The following NRXN3 variants were observed in gnomAD, a reference collection of about 807,000 sequenced individuals.
NRXN3 encodes neurexin III.
NRXN3 carries 32 observed loss-of-function variants against 137.6 expected under a neutral mutation model. The ratio of observed to expected loss-of-function variants is 0.23; its 90% CI spans 0.18 to 0.31. The LOEUF is 0.31. Among genes scored for constraint, NRXN3 ranks in the 10% least tolerant of loss-of-function variants. NRXN3 has a pLI of 1.00. For missense variants in NRXN3, 1,574 were observed against 2,062.5 expected, an observed-to-expected ratio of 0.76 and a Z score of 4.59; for synonymous variants, 798 against 784.5, an observed-to-expected ratio of 1.02 and a Z score of -0.29.
intron 19 of NRXN3, among the ~76,000 whole-genome samples, chr14:79,789,527 A>T (rs1443869629): frequency 1.3e-5 from 2 of 152,148 alleles, no homozygotes; most frequent in Non-Finnish European, 2.9e-5. Flanking sequence ...AAGGGCTGCT[A>T]GTTGCTCATT....
In NRXN3 at chr14:79,131,759, G is replaced by A. The variant is rs549074433; in HGVS notation, c.3262+143618G>A. On this transcript the variant is annotated intron_variant, in intron 15 of 20. Coordinates refer to ENST00000335750, the MANE Select transcript of NRXN3 (RefSeq NM_001330195.2). ...TACCTAAGCAAGCCTGGGCAATGGC[G>A]AGTGCCCCTCCCCCAGCCTTGCTGC... Among the ~76,000 whole-genome samples, 35 of 152,190 alleles carry A rather than the reference G, an allele frequency of 2.3e-4. No homozygotes were observed. The East Asian group carries it at 5.8e-3, about 25-fold the overall frequency.
intron 10 of NRXN3, among the ~76,000 whole-genome samples, chr14:78,812,493 G>A (rs958052068): frequency 2.6e-5 from 4 of 152,098 alleles, no homozygotes; most frequent in African/African-American, 9.7e-5. Context: ...TATTTAATCA[G>A]GATATCAGAA....
chr14:79,860,625 G>T (rs1006223462), intron 20 of NRXN3, among the ~76,000 whole-genome samples: 6 of 152,160 alleles, frequency 3.9e-5, no homozygotes, highest in African/African-American at 7.2e-5. Flanking sequence ...ATCCCAAGAA[G>T]GCAATAAAGA....
At chr14:79,031,768 A>G (rs769835550) in intron 15 of NRXN3, among the ~76,000 whole-genome samples, 9 of 152,188 alleles carry the variant, frequency 5.9e-5, no homozygotes, top group Non-Finnish European at 1.2e-4. Context: ...TGTAAACAGT[A>G]AAGTTTATTT....
chr14:78,863,095 A>T (rs1194493258), intron 10 of NRXN3, among the ~76,000 whole-genome samples: 1 of 152,094 alleles, frequency 6.6e-6, no homozygotes, highest in Non-Finnish European at 1.5e-5. Context: ...AGGATGATGA[A>T]GTCCTTTATT....
chr14:78,715,212 C>T (rs972416071), intron 8 of NRXN3, 73 bp downstream of exon 8: 3 of 1,541,830 alleles, frequency 1.9e-6, no homozygotes, highest in Non-Finnish European at 1.7e-6. Context: ...CCCTGGGCAG[C>T]CCAAGCCTTC....
At chr14:78,468,765 A>G (rs1215126481) in intron 4 of NRXN3, among the ~76,000 whole-genome samples, 1 of 152,196 alleles carries the variant, frequency 6.6e-6, no homozygotes, top group East Asian at 1.9e-4. Flanking sequence ...AGCAGTTAAG[A>G]ACATTGAAAT....
At chr14:78,433,728 C>A (rs561162498) in intron 4 of NRXN3, among the ~76,000 whole-genome samples, 18 of 152,230 alleles carry the variant, frequency 1.2e-4, no homozygotes, top group South Asian at 1.0e-3. Context: ...GGCTCCTTGA[C>A]CTTGGACTTC....
rs138644732 is a variant in NRXN3, at chr14:78,814,529, C to T, written c.2275+4185C>T. Among the ~76,000 whole-genome samples the T allele has an allele frequency of 5.5e-3, 835 of 152,250 alleles. 10 individuals are homozygous for T. The highest frequency in any genetic ancestry group is 0.019 in the African/African-American group (782 of 41,538). On this transcript the variant is annotated intron_variant, in intron 10 of 20. Transcript: ENST00000335750. ...ACTCGGGAGGCTGAGGCAGGAGAAT[C>T]GCTTGAATCCAGGAGGCGGAGGTTG...
chr14:78,574,557 G>T (rs943325485), intron 4 of NRXN3, among the ~76,000 whole-genome samples: 1 of 152,198 alleles, frequency 6.6e-6, no homozygotes, highest in Non-Finnish European at 1.5e-5. Context: ...AGATTTAACT[G>T]CCCCGCTGGA....
At chr14:78,846,430 A>C (rs1447573288) in intron 10 of NRXN3, among the ~76,000 whole-genome samples, 6 of 152,106 alleles carry the variant, frequency 3.9e-5, no homozygotes, top group Admixed American at 3.9e-4. Context: ...AATTACAATC[A>C]GTTCTTTACA....
chr14:79,489,148 T>C (rs1462532066), intron 16 of NRXN3, among the ~76,000 whole-genome samples: 1 of 152,192 alleles, frequency 6.6e-6, no homozygotes, highest in Non-Finnish European at 1.5e-5. Flanking sequence ...GATTGTTAAA[T>C]AACAATGTCC....
intron 15 of NRXN3, among the ~76,000 whole-genome samples, chr14:79,416,176 G>A (rs765535692): frequency 2.0e-5 from 3 of 152,110 alleles, no homozygotes; most frequent in Non-Finnish European, 4.4e-5. Context: ...ATTGCAAGGA[G>A]TCACAGAATC....
At chr14:79,549,752 A>G (rs1184146392) in intron 16 of NRXN3, among the ~76,000 whole-genome samples, 1 of 152,050 alleles carries the variant, frequency 6.6e-6, no homozygotes, top group Non-Finnish European at 1.5e-5. Context: ...CATTACTAAC[A>G]AAAGTGGTAT....
chr14:79,271,985 T>C (rs894759381), intron 15 of NRXN3, among the ~76,000 whole-genome samples: 4 of 152,182 alleles, frequency 2.6e-5, no homozygotes, highest in Non-Finnish European at 4.4e-5. Flanking sequence ...CAAAGTCATA[T>C]AGCCAGTGGA....
At chr14:79,719,278 C>T (rs1456941049) in intron 19 of NRXN3, among the ~76,000 whole-genome samples, 5 of 98,100 alleles carry the variant, frequency 5.1e-5, no homozygotes, top group Non-Finnish European at 6.1e-5. Flanking sequence ...TGTGTGTGTA[C>T]ATATATATGT....
At chr14:79,706,419 CTTTTTTTTTT>C (rs919138966) in intron 19 of NRXN3, among the ~76,000 whole-genome samples, 69 of 115,990 alleles carry the variant, frequency 5.9e-4, no homozygotes, top group Non-Finnish European at 1.0e-3. Flanking sequence ...GGCTTTTTTA[CTTTTTTTTTT>C]TTTTTTTTTT....
chr14:78,557,895 C>T (rs184463717), intron 4 of NRXN3, among the ~76,000 whole-genome samples: 27 of 152,318 alleles, frequency 1.8e-4, no homozygotes, highest in Middle Eastern at 3.4e-3. Flanking sequence ...TTATATAACT[C>T]TTGTTTACTG....
chr14:79,134,340 A>G (rs1297171735), intron 15 of NRXN3, among the ~76,000 whole-genome samples: 1 of 152,238 alleles, frequency 6.6e-6, no homozygotes, highest in Non-Finnish European at 1.5e-5. Context: ...GTGTAATGTT[A>G]TGGAATATGA....
Sources: allele counts gnomAD v4.1 joint callset (sites outside exome capture counted in the v4.1 genomes callset), GRCh38; gene constraint gnomAD v4.1.1; transcripts MANE v1.5; gene names NCBI Gene and HGNC (gene_info 2026-07-23, HGNC 2026-07-21).